Variants in CLIC5 observed in about 807,000 individuals in gnomAD.
CLIC5 encodes the protein chloride intracellular channel protein 5.
CLIC5 carries 20 observed loss-of-function variants against 24.7 expected under a neutral mutation model. The ratio of observed to expected loss-of-function variants is 0.81; its 90% confidence interval spans 0.57 to 1.18. The LOEUF (loss-of-function observed/expected upper bound fraction) is 1.18, where lower values mean the gene tolerates loss of function less well. Ranked by LOEUF, CLIC5 falls within the 50% of genes most tolerant of loss-of-function variation. The pLI, the probability that CLIC5 is intolerant of heterozygous loss-of-function variation, is 0.00. For missense variants in CLIC5, 341 were observed against 326.1 expected (o/e 1.05, Z -0.35); for synonymous variants, 159 against 135.6 (o/e 1.17, Z -1.20).
chr6:45,925,605 G>A (rs1000273892), intron 4 of CLIC5, among the ~76,000 whole-genome samples: 4 of 152,164 alleles, frequency 2.6e-5, no homozygotes, highest in African/African-American at 9.7e-5. Flanking sequence ...ATGAGCCGTC[G>A]CGCTCAGCCT....
chr6:45,976,450 C>T (rs1765386794), intron 1 of CLIC5, among the ~76,000 whole-genome samples: 2 of 152,126 alleles, frequency 1.3e-5, no homozygotes, highest in African/African-American at 4.8e-5. Context: ...CCCTGGAAAA[C>T]TGGGATGAGT....
chr6:45,990,992 A>T (rs79117099), intron 1 of CLIC5, among the ~76,000 whole-genome samples: 3,134 of 152,282 alleles, frequency 0.021, 87 homozygotes, highest in African/African-American at 0.069. Flanking sequence ...TAGATGAAGC[A>T]TCTGGCTACT....
Position 45,921,520 on chromosome 6 carries a change from C to T in CLIC5, c.407-7111G>A, listed in dbSNP as rs570765096. Among the ~76,000 whole-genome samples, 8 of 151,900 alleles carry T rather than the reference C, an allele frequency of 5.3e-5. No individual in the cohort carries two copies. The South Asian group carries it at 1.7e-3, about 32-fold the overall frequency. Reference sequence around the variant, plus strand: ...ATCTAGTGTCTGGTGCAGAGTGAGACTTGATTAAAGTTAACTGCTATTATT... The same window carrying T: ...ATCTAGTGTCTGGTGCAGAGTGAGATTTGATTAAAGTTAACTGCTATTATT... On this transcript the variant is annotated intron_variant, in intron 4 of 5. Coordinates refer to ENST00000339561, the MANE Select transcript of CLIC5 (RefSeq NM_016929.5).
At chr6:45,965,684 G>A (rs897280933) in intron 1 of CLIC5, among the ~76,000 whole-genome samples, 3 of 152,178 alleles carry the variant, frequency 2.0e-5, no homozygotes, top group African/African-American at 7.2e-5. Flanking sequence ...ATAATTTGAA[G>A]AAGAGGTCTC....
chr6:46,021,315 A>G (rs1412354989), intron 1 of CLIC5, among the ~76,000 whole-genome samples: 1 of 152,212 alleles, frequency 6.6e-6, no homozygotes, highest in African/African-American at 2.4e-5. Flanking sequence ...TGGAACTCTC[A>G]TACATTGATG....
intron 1 of CLIC5, among the ~76,000 whole-genome samples, chr6:45,997,224 AATC>A (rs1250844272): frequency 1.1e-4 from 17 of 151,076 alleles, no homozygotes; most frequent in Admixed American, 5.3e-4. Flanking sequence ...TGAAACTGGA[AATC>A]ATCATTCTCA....
chr6:45,987,124 C>T (rs1278222321), intron 1 of CLIC5, among the ~76,000 whole-genome samples: 1 of 152,180 alleles, frequency 6.6e-6, no homozygotes, highest in Non-Finnish European at 1.5e-5. Context: ...TTAACCCAAG[C>T]ATTTGACCCC....
At chr6:45,932,510 G>A (rs1333268008) in intron 4 of CLIC5, among the ~76,000 whole-genome samples, 1 of 152,200 alleles carries the variant, frequency 6.6e-6, no homozygotes, top group African/African-American at 2.4e-5. Context: ...AGAGTCTTAA[G>A]ATCTTATTAA....
chr6:46,082,569 T>C (rs1037114963), upstream of CLIC5, among the ~76,000 whole-genome samples: 1 of 152,242 alleles, frequency 6.6e-6, no homozygotes, highest in Admixed American at 6.5e-5. Context: ...GCCTTGTTTC[T>C]ATACCTGGAA....
At chr6:46,098,687 G>A in the CLIC5 span, among the ~76,000 whole-genome samples, 48 of 152,240 alleles carry the variant, frequency 3.2e-4, no homozygotes, top group South Asian at 9.1e-3. Context: ...GCCTGGACAG[G>A]GAGTGGAAGG....
At chr6:46,007,230 A>G (rs1433584150) in intron 1 of CLIC5, among the ~76,000 whole-genome samples, 1 of 152,228 alleles carries the variant, frequency 6.6e-6, no homozygotes, top group African/African-American at 2.4e-5. Context: ...CTCACAGGAT[A>G]CATAGGCTTT....
intron 1 of CLIC5, among the ~76,000 whole-genome samples, chr6:45,976,917 T>C (rs1765405817): frequency 6.6e-6 from 1 of 152,230 alleles, no homozygotes; most frequent in Non-Finnish European, 1.5e-5. Context: ...ACGTGTGTGC[T>C]GTATGTATGC....
At chr6:45,978,960 A>C (rs532887976) in intron 1 of CLIC5, among the ~76,000 whole-genome samples, 226 of 151,968 alleles carry the variant, frequency 1.5e-3, no homozygotes, top group African/African-American at 5.0e-3. Flanking sequence ...AAAAAAAAAA[A>C]AACAGAAAAT....
intron 4 of CLIC5, among the ~76,000 whole-genome samples, chr6:45,922,969 C>A (rs1224311745): frequency 5.3e-4 from 81 of 152,212 alleles, no homozygotes; most frequent in Non-Finnish European, 1.3e-4. Flanking sequence ...AGTGGCGACA[C>A]CTTCTGGCTT....
chr6:45,993,692 C>A (rs1766025743), intron 1 of CLIC5, among the ~76,000 whole-genome samples: 1 of 152,210 alleles, frequency 6.6e-6, no homozygotes, highest in Non-Finnish European at 1.5e-5. Flanking sequence ...TGACCACTTT[C>A]ACCTTTCCTT....
chr6:46,014,211 C>CA (rs1037233571), intron 1 of CLIC5: 1 of 152,192 alleles, frequency 6.6e-6, no homozygotes, highest in Non-Finnish European at 1.5e-5. Flanking sequence ...TAGGCTGGGA[C>CA]AACGGAGACA....
At chr6:45,996,234 T>G (rs1045920426) in intron 1 of CLIC5, among the ~76,000 whole-genome samples, 2 of 152,142 alleles carry the variant, frequency 1.3e-5, no homozygotes, top group Non-Finnish European at 2.9e-5. Flanking sequence ...AGAAAGCCAG[T>G]TCTTGATATT....
At chr6:45,939,333 C>T (rs1764050577) in intron 4 of CLIC5, among the ~76,000 whole-genome samples, 1 of 151,420 alleles carries the variant, frequency 6.6e-6, no homozygotes, top group South Asian at 2.1e-4. Context: ...CCTGCCTCAG[C>T]CTCCCAAGAA....
At chr6:45,921,623 T>TC (rs3836934) in intron 4 of CLIC5, among the ~76,000 whole-genome samples, 51,653 of 151,144 alleles carry the variant, frequency 0.34, 8,870 homozygotes, top group East Asian at 0.48. Context: ...AGAGAAGAGA[T>TC]AGCTCAAGGC....
Sources: gnomAD v4.1 joint callset for allele counts (sites outside exome capture counted in the v4.1 genomes callset) on GRCh38, gnomAD v4.1.1 for gene constraint, MANE v1.5 for transcripts, NCBI Gene and HGNC (gene_info 2026-07-23, HGNC 2026-07-21) for gene names.